The following STXBP5L variants were observed in gnomAD, a reference collection of about 807,000 sequenced individuals.
STXBP5L encodes syntaxin binding protein 5L.
STXBP5L carries 65 observed loss-of-function variants against 144.5 expected under a neutral mutation model. The observed-to-expected ratio is 0.45, with a 90% CI of 0.37 to 0.55. STXBP5L has a LOEUF of 0.55. STXBP5L is among the 20% of genes least tolerant of loss of function. STXBP5L has a pLI of 0.00. For synonymous variants in STXBP5L, 505 were observed against 469.6 expected (o/e 1.08, Z -0.97); for missense variants, 1,298 against 1,405.5 (o/e 0.92, Z 1.22).
At chr3:121,206,322 T>C in intron 10 of STXBP5L, among the ~76,000 whole-genome samples, 1 of 152,186 alleles carries the variant, frequency 6.6e-6, no homozygotes, top group East Asian at 1.9e-4. Flanking sequence ...ATGTGCCCGT[T>C]AATATTGCAT....
rs1244257735 is a variant in STXBP5L, at chr3:121,255,101, A to G, written c.1648A>G (p.Thr550Ala). 8.2e-6 allele frequency: 13 copies of G among 1,587,878 alleles called. No individual in the cohort carries two copies. The highest frequency in any genetic ancestry group is 1.4e-5 in the African/African-American group (1 of 73,730). The part of the protein sequence containing the change: ...IYKFSRHEIT[T>A]EIVSLEVRLQ... Reference sequence around the variant, plus strand: ...TAAATTCAGCAGACATGAAATTACAACAGAAATAGTGGTAAGTTATTTAAA... The same window carrying G: ...TAAATTCAGCAGACATGAAATTACAGCAGAAATAGTGGTAAGTTATTTAAA... Residue 550 changes from threonine to alanine, a missense_variant, in exon 16 of 27, where the codon ACA becomes GCA. Physicochemically the swap from Thr to Ala is moderately conservative, Grantham distance 58 (BLOSUM62 0). Coordinates refer to ENST00000471454, the MANE Select transcript of STXBP5L (RefSeq NM_001308330.2).
At chr3:121,054,557 G>A (rs1044840932) in intron 5 of STXBP5L, among the ~76,000 whole-genome samples, 3 of 138,910 alleles carry the variant, frequency 2.2e-5, no homozygotes, top group Admixed American at 1.6e-4. Context: ...CATGGACACA[G>A]GAAGGGGAAC....
At chr3:121,003,132 C>T (rs2108057551) in intron 3 of STXBP5L, among the ~76,000 whole-genome samples, 1 of 152,320 alleles carries the variant, frequency 6.6e-6, no homozygotes, top group South Asian at 2.1e-4. Context: ...AATTGCCACA[C>T]TGACTTCCAC....
chr3:121,373,520 A>T (rs1296156467), intron 20 of STXBP5L, among the ~76,000 whole-genome samples: 2 of 152,134 alleles, frequency 1.3e-5, no homozygotes, highest in Non-Finnish European at 2.9e-5. Context: ...CATCTCCAAC[A>T]TCCCTCCACA....
At chr3:121,263,856 C>T (rs375673567) in intron 18 of STXBP5L, among the ~76,000 whole-genome samples, 3 of 152,072 alleles carry the variant, frequency 2.0e-5, no homozygotes. Flanking sequence ...CTGAAAGTAA[C>T]AGGGAGAAGG....
chr3:121,216,898 G>A, intron 10 of STXBP5L, among the ~76,000 whole-genome samples: 1 of 152,288 alleles, frequency 6.6e-6, no homozygotes, highest in African/African-American at 2.4e-5. Context: ...GAGGAATCTA[G>A]GGAAGCCCTC....
intron 20 of STXBP5L, among the ~76,000 whole-genome samples, chr3:121,319,651 T>C (rs1332564508): frequency 6.6e-6 from 1 of 152,234 alleles, no homozygotes; most frequent in Non-Finnish European, 1.5e-5. Flanking sequence ...ACAAATATTC[T>C]AGTAGATGTC....
intron 7 of STXBP5L, among the ~76,000 whole-genome samples, chr3:121,129,350 T>C (rs2044862831): frequency 6.6e-6 from 1 of 151,910 alleles, no homozygotes; most frequent in Admixed American, 6.6e-5. Context: ...CAGAGATTAT[T>C]AGCACAATTA....
chr3:121,031,293 A>C (rs1946350691), intron 3 of STXBP5L, among the ~76,000 whole-genome samples: 1 of 152,130 alleles, frequency 6.6e-6, no homozygotes, highest in African/African-American at 2.4e-5. Flanking sequence ...TAGGATGTTT[A>C]TGTACATGTA....
chr3:120,972,957 T>A (rs984635821), intron 3 of STXBP5L, among the ~76,000 whole-genome samples: 2 of 152,144 alleles, frequency 1.3e-5, no homozygotes, highest in African/African-American at 4.8e-5. Flanking sequence ...TGATGTGCTG[T>A]TGAATTTGGT....
rs1265836038 is a variant in STXBP5L at position 121,421,342 on chromosome 3, AT to A, written c.*2248del. The A allele has an allele frequency of 2.0e-5, 3 of 150,902 alleles. No homozygotes were observed. The highest frequency in any genetic ancestry group is 4.4e-5 in the Non-Finnish European group (3 of 68,010). 9.3% of individuals were successfully genotyped at this position (150,902 alleles called of 1,614,324 possible). A position where few individuals can be genotyped will look rare whatever the true frequency, so the allele number is the denominator to read the frequency against. On this transcript the variant is annotated 3_prime_UTR_variant, in exon 27 of 27. Coordinates refer to ENST00000471454, the MANE Select transcript of STXBP5L (RefSeq NM_001308330.2). Reference sequence around the variant, plus strand: ...TTGTTTTAACTTGATCTACATCGAGATTTCTCAAAAGCAGCACTATTAGCTG... The same window carrying A: ...TTGTTTTAACTTGATCTACATCGAGATTCTCAAAAGCAGCACTATTAGCTG...
chr3:121,285,721 A>T (rs2051209522), intron 19 of STXBP5L, among the ~76,000 whole-genome samples: 1 of 152,092 alleles, frequency 6.6e-6, no homozygotes, highest in African/African-American at 2.4e-5. Context: ...TTTTCCATTT[A>T]TTAGCTACTT....
At chr3:121,410,798 G>A (rs2047097809) in intron 23 of STXBP5L, among the ~76,000 whole-genome samples, 2 of 152,102 alleles carry the variant, frequency 1.3e-5, no homozygotes, top group African/African-American at 4.8e-5. Context: ...CTGCATAGAA[G>A]AAAGTCTTTT....
At chr3:121,105,288 T>C (rs1427080485) in intron 5 of STXBP5L, among the ~76,000 whole-genome samples, 1 of 151,898 alleles carries the variant, frequency 6.6e-6, no homozygotes, top group African/African-American at 2.4e-5. Context: ...TCCAGCTACT[T>C]GGGAGGCTGA....
At chr3:121,349,609 T>A (rs2108607871) in intron 20 of STXBP5L, among the ~76,000 whole-genome samples, 1 of 152,194 alleles carries the variant, frequency 6.6e-6, no homozygotes, top group East Asian at 1.9e-4. Flanking sequence ...TTTGTAGGTC[T>A]CTAAGGACTT....
At chr3:121,187,281 C>A (rs775740182) in intron 9 of STXBP5L, among the ~76,000 whole-genome samples, 1 of 151,830 alleles carries the variant, frequency 6.6e-6, no homozygotes, top group Non-Finnish European at 1.5e-5. Flanking sequence ...AACCATCATT[C>A]TGAGCAAACT....
At chr3:121,190,376 G>A (rs1049382093) in intron 9 of STXBP5L, among the ~76,000 whole-genome samples, 3 of 152,118 alleles carry the variant, frequency 2.0e-5, no homozygotes, top group African/African-American at 7.2e-5. Flanking sequence ...TTGGGGATAA[G>A]GTTATAGATT....
intron 9 of STXBP5L, among the ~76,000 whole-genome samples, chr3:121,190,977 C>T (rs553286531): frequency 1.1e-3 from 166 of 150,390 alleles, no homozygotes; most frequent in Middle Eastern, 0.01. Context: ...ACATCCCAGA[C>T]GATGGGCGGC....
At chr3:121,078,677 T>A (rs1008781257) in intron 5 of STXBP5L, among the ~76,000 whole-genome samples, 1 of 152,024 alleles carries the variant, frequency 6.6e-6, no homozygotes, top group Non-Finnish European at 1.5e-5. Flanking sequence ...CCTGCCCCGC[T>A]GCAGGTTCTG....
Sources: gnomAD v4.1 joint callset for allele counts (sites outside exome capture counted in the v4.1 genomes callset) on GRCh38, gnomAD v4.1.1 for gene constraint, MANE v1.5 for transcripts, NCBI Gene and HGNC (gene_info 2026-07-23, HGNC 2026-07-21) for gene names.